Variants in SCRN3 observed in about 807,000 individuals in gnomAD.
SCRN3 encodes secernin 3.
In SCRN3, 39 loss-of-function variants were observed where a neutral mutation model predicts 43.1. That is an observed-to-expected ratio of 0.91 (90% CI 0.70 to 1.18). SCRN3 has a LOEUF of 1.18. Ranked by LOEUF, SCRN3 falls within the 50% of genes most tolerant of loss-of-function variation. The probability of loss-of-function intolerance (pLI) is 0.00; values close to 1 mark genes in which losing one functional copy is unlikely to be tolerated. For missense variants in SCRN3, 484 were observed against 498.0 expected (o/e 0.97, Z 0.27); for synonymous variants, 147 against 163.1 (o/e 0.90, Z 0.75).
chr2:174,404,151 C>T lies in SCRN3; in HGVS notation c.590C>T (p.Ala197Val), dbSNP rs766305098. Residue 197 changes from alanine to valine, a missense_variant, in exon 5 of 8, where the codon GCC becomes GTC. Transcript: ENST00000272732. ...CAACTTTCCATAACAACCAAGATTG[C>T]CCGGGAACACCCAGACATGAGAAAC... ...SNQLSITTKI[A>V]REHPDMRNYA... 4.3e-6 allele frequency: 7 copies of T among 1,613,592 alleles called. No individual in the cohort carries two copies. The highest frequency in any genetic ancestry group is 1.3e-5 in the African/African-American group (1 of 74,856).
Position 174,427,799 on chromosome 2 carries a change from T to C in SCRN3, c.1179T>C (p.His393=). Residue 393 remains histidine, a synonymous_variant, in exon 8 of 8, where the codon CAT becomes CAC. Transcript: ENST00000272732. ...TGGAATCAATCCTTCAAAACAAGCA[T>C]CTTGATGTGGAGAAAATTGTTAATC... ...REMESILQNK[H]LDVEKIVNLF... is the part of the protein sequence containing the mutation. The C allele has an allele frequency of 1.9e-6, 3 of 1,611,630 alleles. No homozygotes were observed. The highest frequency in any genetic ancestry group is 2.5e-6 in the Non-Finnish European group (3 of 1,177,948).
intron 5 of SCRN3, among the ~76,000 whole-genome samples, chr2:174,413,231 A>G (rs952849262): frequency 1.3e-5 from 2 of 152,158 alleles, no homozygotes; most frequent in African/African-American, 4.8e-5. Flanking sequence ...AACAACTGAC[A>G]TGGGAATCTA....
chr2:174,396,375 G>A, intron 1 of SCRN3: 2 of 970,518 alleles, frequency 2.1e-6, no homozygotes, highest in Non-Finnish European at 2.4e-6. Flanking sequence ...CTTTCCCTAC[G>A]ACCCCAGTTA....
At chr2:174,427,155 T>C (rs12617100) in intron 7 of SCRN3, among the ~76,000 whole-genome samples, 40,362 of 152,096 alleles carry the variant, frequency 0.27, 6,103 homozygotes, top group Middle Eastern at 0.54. Flanking sequence ...TACTTTTTCT[T>C]TAGATAAGTA....
chr2:174,411,274 A>G (rs1163858799), intron 5 of SCRN3, among the ~76,000 whole-genome samples: 1 of 152,286 alleles, frequency 6.6e-6, no homozygotes, highest in East Asian at 1.9e-4. Flanking sequence ...CACTATATGA[A>G]TATTTGGTAT....
intron 7 of SCRN3, among the ~76,000 whole-genome samples, chr2:174,426,664 C>T (rs1156704428): frequency 1.3e-5 from 2 of 151,614 alleles, no homozygotes; most frequent in Admixed American, 6.6e-5. Context: ...ACCAACTACT[C>T]GGGAGGCTGA....
chr2:174,401,557 G>A (rs1685509847), intron 4 of SCRN3, among the ~76,000 whole-genome samples: 1 of 152,158 alleles, frequency 6.6e-6, no homozygotes, highest in Non-Finnish European at 1.5e-5. Flanking sequence ...TGAGGAAATG[G>A]GAGTGGGGTT....
chr2:174,400,546 G>A (rs554972358), intron 3 of SCRN3, among the ~76,000 whole-genome samples: 2 of 152,220 alleles, frequency 1.3e-5, no homozygotes, highest in African/African-American at 2.4e-5. Context: ...CCATTCTCCT[G>A]CCTCAGCTCC....
intron 7 of SCRN3, among the ~76,000 whole-genome samples, chr2:174,426,896 G>C (rs1437752653): frequency 1.3e-5 from 2 of 151,432 alleles, no homozygotes; most frequent in African/African-American, 4.8e-5. Flanking sequence ...GCCCTGGTGC[G>C]ATCTCAGCTC....
intron 7 of SCRN3, among the ~76,000 whole-genome samples, chr2:174,425,744 T>C (rs141229991): frequency 5.9e-5 from 9 of 152,238 alleles, no homozygotes; most frequent in East Asian, 5.8e-4. Flanking sequence ...AAGATGTCGA[T>C]TGACAACTTA....
chr2:174,416,709 G>A (rs965125178), intron 5 of SCRN3, among the ~76,000 whole-genome samples: 3 of 152,320 alleles, frequency 2.0e-5, no homozygotes, highest in Middle Eastern at 3.4e-3. Flanking sequence ...TGAGACTCTA[G>A]AATAAAGCTG....
chr2:174,395,925 C>T (rs1041851608), intron 1 of SCRN3, 108 bp downstream of exon 1: 3 of 1,412,714 alleles, frequency 2.1e-6, no homozygotes, highest in Non-Finnish European at 2.8e-6. Context: ...CCCAGCTGCA[C>T]CGGCTGCGGT....
At chr2:174,403,683 G>C (rs1254782927) in intron 4 of SCRN3, among the ~76,000 whole-genome samples, 1 of 152,144 alleles carries the variant, frequency 6.6e-6, no homozygotes, top group Non-Finnish European at 1.5e-5. Context: ...TGTTACCTGA[G>C]GTTAATGAAG....
intron 7 of SCRN3, among the ~76,000 whole-genome samples, chr2:174,425,111 A>T (rs185778166): frequency 5.3e-5 from 8 of 152,342 alleles, no homozygotes; most frequent in African/African-American, 1.9e-4. Flanking sequence ...GACCCAGATT[A>T]AAATTAATTG....
At chr2:174,419,259 C>T (rs1261886481) in intron 5 of SCRN3, among the ~76,000 whole-genome samples, 1 of 152,012 alleles carries the variant, frequency 6.6e-6, no homozygotes, top group Admixed American at 6.6e-5. Context: ...GAAGGAGATA[C>T]CTGTGTTTAA....
rs929415582 is a variant in SCRN3 at position 174,404,390 on chromosome 2, C to T, written c.754+75C>T. 4.2e-6 allele frequency: 4 copies of T among 949,120 alleles called. No individual in the cohort carries two copies. In the South Asian group the frequency reaches 5.1e-5, roughly 12 times the overall value. The allele number at this position is 949,120 out of a possible 1,614,324, so 58.8% of individuals were successfully genotyped here. A position where few individuals can be genotyped will look rare whatever the true frequency, so the allele number is the denominator to read the frequency against. Reference sequence around the variant, plus strand: ...AGATGTAATATGGGAATGATAACATCTGTTTTGGGGAATTATAATTAGTAA... The same window carrying T: ...AGATGTAATATGGGAATGATAACATTTGTTTTGGGGAATTATAATTAGTAA... On this transcript the variant is annotated intron_variant, in intron 5 of 7. Transcript: ENST00000272732.
chr2:174,404,045 A>G, intron 4 of SCRN3, 58 bp from the exon 5 acceptor site: 2 of 1,337,704 alleles, frequency 1.5e-6, no homozygotes, highest in East Asian at 2.4e-5. Context: ...ATACAGATAC[A>G]TGCTTTATGT....
chr2:174,409,563 TTC>T (rs1245249006), intron 5 of SCRN3, among the ~76,000 whole-genome samples: 1 of 142,852 alleles, frequency 7.0e-6, no homozygotes, highest in Non-Finnish European at 1.6e-5. Flanking sequence ...AGTTTTTCTG[TTC>T]TGTTTTTTCC....
intron 5 of SCRN3, chr2:174,410,491 C>G (rs963774681): frequency 6.6e-6 from 1 of 152,428 alleles, no homozygotes; most frequent in Non-Finnish European, 1.5e-5. Flanking sequence ...CCAGAATAAA[C>G]CTATTTTTTG....
Sources: allele counts gnomAD v4.1 joint callset (sites outside exome capture counted in the v4.1 genomes callset), GRCh38; gene constraint gnomAD v4.1.1; transcripts MANE v1.5; gene names NCBI Gene and HGNC (gene_info 2026-07-23, HGNC 2026-07-21).